FHIT: variants seen among roughly 807,000 people sequenced by gnomAD.
FHIT encodes the protein fragile histidine triad diadenosine triphosphatase.
In FHIT, 19 loss-of-function variants were observed where a neutral mutation model predicts 17.9. The observed-to-expected ratio is 1.06, with a 90% confidence interval of 0.74 to 1.56. The LOEUF (loss-of-function observed/expected upper bound fraction) is 1.56, where lower values mean the gene tolerates loss of function less well. Ranked by LOEUF, FHIT falls within the 40% of genes most tolerant of loss-of-function variation. The probability of loss-of-function intolerance (pLI) is 0.00; values close to 1 mark genes in which losing one functional copy is unlikely to be tolerated. For synonymous variants in FHIT, 81 were observed against 69.7 expected, an observed-to-expected ratio of 1.16 and a Z score of -0.81; for missense variants, 248 against 189.2, an observed-to-expected ratio of 1.31 and a Z score of -1.82.
At chr3:60,745,150 A>G (rs921868171) in intron 4 of FHIT, among the ~76,000 whole-genome samples, 1 of 152,196 alleles carries the variant, frequency 6.6e-6, no homozygotes, top group African/African-American at 2.4e-5. Flanking sequence ...TCACAAATAT[A>G]AAACTGACCC....
chr3:60,583,340 T>G (rs782430175), intron 4 of FHIT, among the ~76,000 whole-genome samples: 1 of 151,980 alleles, frequency 6.6e-6, no homozygotes, highest in Non-Finnish European at 1.5e-5. Flanking sequence ...CCTCAGAGAC[T>G]TATTTCCTAG....
At position 60,101,208 on chromosome 3, in the gene FHIT, A is replaced by T. The variant is rs570503645; in HGVS notation, c.104-87056T>A. Among the ~76,000 whole-genome samples, 95 of 152,354 alleles carry T rather than the reference A, an allele frequency of 6.2e-4. 2 individuals carry two copies. The South Asian group carries it at 0.019, about 30-fold the overall frequency. On this transcript the variant is annotated intron_variant, in intron 5 of 9. Transcript: ENST00000492590. ...CAGGGAACCCTGACCCTGTGCTTCA[A>T]TGACTTTTCAATGCATGGAGAATAA...
At chr3:61,209,765 C>T (rs576212251) in intron 1 of FHIT, among the ~76,000 whole-genome samples, 31 of 152,228 alleles carry the variant, frequency 2.0e-4, no homozygotes, top group Admixed American at 2.0e-3. Flanking sequence ...GAACTTCCTC[C>T]TTTAGCTCGG....
At chr3:61,213,144 C>G (rs1423421774) in intron 1 of FHIT, among the ~76,000 whole-genome samples, 1 of 152,178 alleles carries the variant, frequency 6.6e-6, no homozygotes, top group African/African-American at 2.4e-5. Flanking sequence ...GGATCAAATT[C>G]ACACATAACA....
At chr3:60,396,386 A>C (rs1701440839) in intron 5 of FHIT, among the ~76,000 whole-genome samples, 1 of 152,198 alleles carries the variant, frequency 6.6e-6, no homozygotes, top group African/African-American at 2.4e-5. Flanking sequence ...AGCGAGTGAC[A>C]AAAAGGAAAA....
chr3:60,350,152 C>T (rs547542097), intron 5 of FHIT, among the ~76,000 whole-genome samples: 4 of 152,266 alleles, frequency 2.6e-5, no homozygotes, highest in African/African-American at 9.6e-5. Context: ...TCAAGCACCA[C>T]AGTTAAAATA....
intron 2 of FHIT, among the ~76,000 whole-genome samples, chr3:61,104,062 T>C (rs548017292): frequency 6.6e-6 from 1 of 152,292 alleles, no homozygotes; most frequent in South Asian, 2.1e-4. Flanking sequence ...TTTAGTCCAT[T>C]TACATTTAAG....
chr3:60,854,715 A>C (rs1703304778), intron 3 of FHIT, among the ~76,000 whole-genome samples: 1 of 152,030 alleles, frequency 6.6e-6, no homozygotes, highest in Admixed American at 6.6e-5. Context: ...CTCTTTCTAA[A>C]AGCTTTCCAG....
At chr3:61,120,497 C>T (rs932090793) in intron 2 of FHIT, among the ~76,000 whole-genome samples, 1 of 152,300 alleles carries the variant, frequency 6.6e-6, no homozygotes, top group Admixed American at 6.5e-5. Flanking sequence ...TCAGAAATCA[C>T]AGGTTGGAGT....
intron 5 of FHIT, among the ~76,000 whole-genome samples, chr3:60,307,381 G>A (rs540647753): frequency 1.4e-3 from 217 of 152,242 alleles, no homozygotes; most frequent in African/African-American, 4.9e-3. Context: ...TCATCTGCCC[G>A]AAGGAAGACA....
At chr3:60,210,779 T>C (rs1703414265) in intron 5 of FHIT, among the ~76,000 whole-genome samples, 1 of 152,090 alleles carries the variant, frequency 6.6e-6, no homozygotes, top group Non-Finnish European at 1.5e-5. Flanking sequence ...AACTAGGAAT[T>C]CTTATATAGT....
At chr3:61,103,247 C>T (rs2035887180) in intron 2 of FHIT, among the ~76,000 whole-genome samples, 1 of 152,106 alleles carries the variant, frequency 6.6e-6, no homozygotes, top group South Asian at 2.1e-4. Flanking sequence ...GATTCTGCTA[C>T]ATTGTGTCTT....
At chr3:60,419,615 C>G (rs1702395767) in intron 5 of FHIT, among the ~76,000 whole-genome samples, 1 of 152,138 alleles carries the variant, frequency 6.6e-6, no homozygotes. Flanking sequence ...GCTGACATTT[C>G]CATTAGCACA....
intron 2 of FHIT, among the ~76,000 whole-genome samples, chr3:61,152,036 T>C (rs1216792506): frequency 6.6e-6 from 1 of 152,210 alleles, no homozygotes; most frequent in African/African-American, 2.4e-5. Flanking sequence ...TTCTTTATAT[T>C]GTAGTTAACC....
rs72874956 is a variant in FHIT, at chr3:60,688,728, G to A, written c.-18+133191C>T. On this transcript the variant is annotated intron_variant, in intron 4 of 9. Coordinates refer to ENST00000492590, the MANE Select transcript of FHIT (RefSeq NM_002012.4). ...ATTACAGGTGTAAGCCCCTGTGTCC[G>A]GCCATGGTCAAATTATCTAATTTTT... Among the ~76,000 whole-genome samples, 1,512 of 152,090 alleles carry A rather than the reference G, an allele frequency of 9.9e-3. 30 individuals carry two copies. Among genetic ancestry groups the A allele is most frequent in the African/African-American group, 0.035 (1,446 of 41,460 alleles).
At chr3:60,813,855 T>A (rs1486326866) in intron 4 of FHIT, among the ~76,000 whole-genome samples, 3 of 152,236 alleles carry the variant, frequency 2.0e-5, no homozygotes, top group African/African-American at 7.2e-5. Context: ...CTTCTTTATC[T>A]CTGATAATAT....
intron 5 of FHIT, among the ~76,000 whole-genome samples, chr3:60,324,460 C>T (rs1328802969): frequency 6.6e-6 from 1 of 151,708 alleles, no homozygotes. Context: ...TGGCGGGTGC[C>T]TATAGTCCCA....
At chr3:61,089,882 T>A (rs988570655) in intron 2 of FHIT, among the ~76,000 whole-genome samples, 1 of 152,194 alleles carries the variant, frequency 6.6e-6, no homozygotes, top group Non-Finnish European at 1.5e-5. Flanking sequence ...TGAGTTCCAC[T>A]TATCTGTAGG....
chr3:61,034,079 C>A (rs950967346), intron 3 of FHIT, among the ~76,000 whole-genome samples: 2 of 152,142 alleles, frequency 1.3e-5, no homozygotes, highest in Non-Finnish European at 2.9e-5. Flanking sequence ...AAGAATAAAG[C>A]TGGACCCCTT....
Sources: gnomAD v4.1 joint callset for allele counts (sites outside exome capture counted in the v4.1 genomes callset) on GRCh38, gnomAD v4.1.1 for gene constraint, MANE v1.5 for transcripts, NCBI Gene and HGNC (gene_info 2026-07-23, HGNC 2026-07-21) for gene names.